Variants in TNS3 observed in about 807,000 individuals in gnomAD.
TNS3 encodes tensin-3.
A neutral mutation model predicts 140.9 loss-of-function variants in TNS3; 45 were observed. The observed-to-expected ratio is 0.32, with a 90% CI of 0.25 to 0.41. TNS3 has a LOEUF of 0.41. Among genes scored for constraint, TNS3 ranks in the 10% least tolerant of loss-of-function variants. The pLI is 1.00. For synonymous variants in TNS3, 815 were observed against 788.4 expected (o/e 1.03, Z -0.56); for missense variants, 1,716 against 1,906.7 (o/e 0.90, Z 1.86).
rs1784861630 is a variant in TNS3, at chr7:47,276,189, AAGTT to A, written c.*1883_*1886del. ...CACCTCCTGACAGTCATGCCACCGCAAGTTAGAGAAGGAGGTCCACAACGACCAA... is the reference window on the plus strand; with the variant it reads ...CACCTCCTGACAGTCATGCCACCGCAAGAGAAGGAGGTCCACAACGACCAA... On this transcript the variant is annotated 3_prime_UTR_variant, in exon 31 of 31. Transcript: ENST00000311160. 5.0e-6 allele frequency: 1 copy of A among 198,868 alleles called. No homozygotes were observed. The highest frequency in any genetic ancestry group is 1.0e-5 in the Non-Finnish European group (1 of 96,342). The allele number at this position is 198,868 out of a possible 1,614,324, so 12.3% of individuals were successfully genotyped here.
intron 2 of TNS3, among the ~76,000 whole-genome samples, chr7:47,513,799 T>C (rs1798686476): frequency 6.6e-6 from 1 of 152,200 alleles, no homozygotes; most frequent in Non-Finnish European, 1.5e-5. Context: ...GGCAGGCCCC[T>C]TCTCGTGGCT....
At chr7:47,459,005 C>T (rs908381577) in intron 4 of TNS3, among the ~76,000 whole-genome samples, 1 of 152,140 alleles carries the variant, frequency 6.6e-6, no homozygotes, top group Non-Finnish European at 1.5e-5. Context: ...GACTTTCTTC[C>T]GCCCATACTT....
At chr7:47,399,728 A>G (rs1169467367) in intron 15 of TNS3, among the ~76,000 whole-genome samples, 2 of 152,256 alleles carry the variant, frequency 1.3e-5, no homozygotes, top group East Asian at 3.8e-4. Context: ...AAAGTCTAGA[A>G]GACAACCTAG....
At chr7:47,471,589 G>A (rs928835845) in intron 4 of TNS3, among the ~76,000 whole-genome samples, 6 of 152,320 alleles carry the variant, frequency 3.9e-5, no homozygotes, top group Admixed American at 1.3e-4. Context: ...CGCCCAGTTC[G>A]AATGACAGTT....
At chr7:47,382,589 G>T (rs189125556) in intron 16 of TNS3, among the ~76,000 whole-genome samples, 216 of 152,312 alleles carry the variant, frequency 1.4e-3, no homozygotes, top group Non-Finnish European at 2.0e-3. Context: ...CACCCTGAAG[G>T]GTTGTAATTC....
intron 10 of TNS3, among the ~76,000 whole-genome samples, chr7:47,423,398 G>A (rs920626436): frequency 6.6e-6 from 1 of 152,208 alleles, no homozygotes; most frequent in Non-Finnish European, 1.5e-5. Context: ...CCCTGCTCAG[G>A]TTCTTGACCT....
intron 3 of TNS3, among the ~76,000 whole-genome samples, chr7:47,503,866 A>T (rs1336781379): frequency 2.6e-5 from 4 of 152,042 alleles, no homozygotes; most frequent in Non-Finnish European, 5.9e-5. Flanking sequence ...CCTTCTTGCC[A>T]TGTATGCTCA....
chr7:47,554,107 CA>C (rs1800132377), intron 1 of TNS3, among the ~76,000 whole-genome samples: 1 of 150,396 alleles, frequency 6.6e-6, no homozygotes, highest in Admixed American at 6.6e-5. Context: ...GCCTGGCCCT[CA>C]AGTCTTACTT....
chr7:47,315,163 G>A (rs917000464), intron 20 of TNS3, among the ~76,000 whole-genome samples: 1 of 152,148 alleles, frequency 6.6e-6, no homozygotes, highest in South Asian at 2.1e-4. Context: ...CTGCTGGCTC[G>A]GCCTCCTTCT....
chr7:47,371,938 T>C (rs1304746696), intron 16 of TNS3, among the ~76,000 whole-genome samples: 1 of 152,232 alleles, frequency 6.6e-6, no homozygotes, highest in Non-Finnish European at 1.5e-5. Context: ...GATGGTTCTA[T>C]GTAAAGGTTG....
chr7:47,402,017 G>A (rs1329580708), intron 13 of TNS3, among the ~76,000 whole-genome samples: 1 of 152,184 alleles, frequency 6.6e-6, no homozygotes, highest in Non-Finnish European at 1.5e-5. Context: ...AATATCACAT[G>A]CCTCACAACA....
At chr7:47,573,419 A>G (rs553466455) in intron 1 of TNS3, among the ~76,000 whole-genome samples, 1 of 152,274 alleles carries the variant, frequency 6.6e-6, no homozygotes, top group Admixed American at 6.5e-5. Context: ...CAAATCTACA[A>G]GCGCCATGGA....
chr7:47,484,305 T>G (rs1233187065), intron 3 of TNS3, among the ~76,000 whole-genome samples: 6 of 152,178 alleles, frequency 3.9e-5, no homozygotes, highest in Non-Finnish European at 7.4e-5. Context: ...ACTCATCATT[T>G]CTATAAGTAC....
At chr7:47,496,049 A>T (rs1181496335) in intron 3 of TNS3, among the ~76,000 whole-genome samples, 1 of 152,120 alleles carries the variant, frequency 6.6e-6, no homozygotes. Flanking sequence ...CCCCGATGCC[A>T]CCCAGCCCAG....
At chr7:47,293,187 G>A (rs546258556) in intron 25 of TNS3, among the ~76,000 whole-genome samples, 1 of 152,318 alleles carries the variant, frequency 6.6e-6, no homozygotes, top group East Asian at 1.9e-4. Context: ...GTTGGATCTT[G>A]AATCAGGAGG....
intron 16 of TNS3, among the ~76,000 whole-genome samples, chr7:47,392,784 G>C (rs1196503529): frequency 6.6e-6 from 1 of 152,246 alleles, no homozygotes; most frequent in Admixed American, 6.5e-5. Context: ...GGCTGAGGAG[G>C]GCTGCAGAGT....
intron 2 of TNS3, among the ~76,000 whole-genome samples, chr7:47,519,605 C>T (rs57286934): frequency 0.29 from 43,603 of 151,966 alleles, 6,463 homozygotes; most frequent in East Asian, 0.4. Flanking sequence ...CCCAGCAGCC[C>T]GGTGGCAGAT....
At chr7:47,560,883 T>C (rs1584858048) in intron 1 of TNS3, among the ~76,000 whole-genome samples, 1 of 152,160 alleles carries the variant, frequency 6.6e-6, no homozygotes, top group Non-Finnish European at 1.5e-5. Flanking sequence ...TGTGTGACCT[T>C]GTGTGACCCC....
rs1399893862 is a variant in TNS3, at chr7:47,345,008, C to A, written c.2482G>T (p.Asp828Tyr). ...CTTAAAATTCTGCCATCGATAATATCGAGGTCCTGGGGATAGCCAGGGGTC... is the reference window on the plus strand; with the variant it reads ...CTTAAAATTCTGCCATCGATAATATAGAGGTCCTGGGGATAGCCAGGGGTC... The part of the protein sequence containing the change: ...TMTPGYPQDL[D>Y]IIDGRILSSK... The change falls in exon 19 of 31, where the codon GAT becomes TAT. Residue 828 changes from aspartate (D) to tyrosine (Y), a missense_variant. Asp to Tyr is a radical substitution (Grantham distance 160). This residue lies in a region of TNS3 where 1,163 missense variants were observed against 1,182.1 expected (regional missense o/e 0.98). Coordinates refer to ENST00000311160, the MANE Select transcript of TNS3 (RefSeq NM_022748.12). 6.2e-7 allele frequency: 1 copy of A among 1,614,100 alleles called. No homozygotes were observed.
Sources: allele counts gnomAD v4.1 joint callset (sites outside exome capture counted in the v4.1 genomes callset), GRCh38; gene constraint gnomAD v4.1.1; regional missense constraint gnomAD v4.1.1; transcripts MANE v1.5; gene names NCBI Gene and HGNC (gene_info 2026-07-23, HGNC 2026-07-21).